The following ARHGAP28 variants were observed in gnomAD, a reference collection of about 807,000 sequenced individuals.
ARHGAP28 encodes Rho GTPase activating protein 28.
A neutral mutation model predicts 90.7 loss-of-function variants in ARHGAP28; 56 were observed. The observed-to-expected ratio is 0.62, with a 90% CI of 0.50 to 0.77. The LOEUF (loss-of-function observed/expected upper bound fraction) is 0.77, where lower values mean the gene tolerates loss of function less well. Ranked by LOEUF, ARHGAP28 falls within the 30% of genes least tolerant of loss-of-function variation. ARHGAP28 has a pLI of 0.00. For synonymous variants in ARHGAP28, 308 were observed against 323.3 expected, an observed-to-expected ratio of 0.95 and a Z score of 0.51; for missense variants, 869 against 900.9, an observed-to-expected ratio of 0.96 and a Z score of 0.45.
rs949059471 is a variant in ARHGAP28 at position 6,837,554 on chromosome 18, A to ATGTC, written c.543+140_543+141insTGTC. The ATGTC allele has an allele frequency of 3.7e-5, 24 of 650,476 alleles. 1 individual carries two copies. The highest frequency in any genetic ancestry group is 3.2e-4 in the Admixed American group (11 of 34,596). The allele number at this position is 650,476 out of a possible 1,614,324, so 40.3% of individuals were successfully genotyped here. On this transcript the variant is annotated intron_variant, in intron 3 of 17. Coordinates refer to ENST00000383472, the MANE Select transcript of ARHGAP28 (RefSeq NM_001366230.1). ...ACTTTTTGAGAAAACTAAAGCAGAC[A>ATGTC]GCACAGTGCAAATTTTTACAAGTTT...
chr18:6,885,706 T>C (rs1276850875), intron 11 of ARHGAP28, among the ~76,000 whole-genome samples: 1 of 152,084 alleles, frequency 6.6e-6, no homozygotes, highest in Non-Finnish European at 1.5e-5. Flanking sequence ...AAATTAAACT[T>C]AACTTAAAAG....
intron 1 of ARHGAP28, among the ~76,000 whole-genome samples, chr18:6,763,087 T>G (rs901645359): frequency 6.6e-6 from 1 of 151,946 alleles, no homozygotes; most frequent in African/African-American, 2.4e-5. Context: ...GATGGTTGTT[T>G]GTTTGTTTGT....
At chr18:6,755,933 T>C (rs1485254964) in intron 1 of ARHGAP28, among the ~76,000 whole-genome samples, 1 of 152,250 alleles carries the variant, frequency 6.6e-6, no homozygotes, top group Non-Finnish European at 1.5e-5. Context: ...TAAGTCACTG[T>C]TATTTCACTT....
At chr18:6,799,569 A>G (rs2056466945) in intron 1 of ARHGAP28, among the ~76,000 whole-genome samples, 1 of 152,222 alleles carries the variant, frequency 6.6e-6, no homozygotes, top group African/African-American at 2.4e-5. Flanking sequence ...GGTCTCAGAA[A>G]TAACGCCGCA....
intron 1 of ARHGAP28, among the ~76,000 whole-genome samples, chr18:6,766,221 C>T (rs1489548403): frequency 6.6e-6 from 1 of 152,150 alleles, no homozygotes; most frequent in Non-Finnish European, 1.5e-5. Context: ...TATAATTGTG[C>T]ATGTGTCGCT....
chr18:6,793,497 A>G lies in ARHGAP28; in HGVS notation c.123-31265A>G, dbSNP rs540291749. Among the ~76,000 whole-genome samples the G allele has an allele frequency of 2.0e-5, 3 of 152,326 alleles. No individual in the cohort carries two copies. The East Asian group carries it at 5.8e-4, about 29-fold the overall frequency. ...AGAGATAGGGTGGAAGAAGAGAGTT[A>G]AATTTACGGCTCTAAGGTTATGCTC... is the stretch of plus-strand genomic sequence containing the variant. On this transcript the variant is annotated intron_variant, in intron 1 of 17. Transcript: ENST00000383472.
intron 1 of ARHGAP28, among the ~76,000 whole-genome samples, chr18:6,768,422 T>G (rs2056216747): frequency 6.6e-6 from 1 of 152,214 alleles, no homozygotes; most frequent in African/African-American, 2.4e-5. Flanking sequence ...TAGAGTAGAC[T>G]TTACTTAGGC....
chr18:6,899,033 GA>G (rs1241523855), intron 16 of ARHGAP28, among the ~76,000 whole-genome samples: 1 of 152,044 alleles, frequency 6.6e-6, no homozygotes, highest in African/African-American at 2.4e-5. Flanking sequence ...CCTATGGAAA[GA>G]AAAAACTTTT....
chr18:6,783,368 C>T lies in ARHGAP28; in HGVS notation c.123-41394C>T, dbSNP rs147778063. Among the ~76,000 whole-genome samples the T allele has an allele frequency of 2.9e-3, 439 of 151,146 alleles. 9 individuals carry two copies. The East Asian group carries it at 0.042, about 14-fold the overall frequency. ...CAAGGCTGGAGTGCAATGGCGCGAT[C>T]TCAGCTCACTGCAACCTCTGCCTCC... On this transcript the variant is annotated intron_variant, in intron 1 of 17. Transcript: ENST00000383472.
At chr18:6,871,898 C>G (rs1374574051) in intron 7 of ARHGAP28, among the ~76,000 whole-genome samples, 1 of 151,978 alleles carries the variant, frequency 6.6e-6, no homozygotes, top group Non-Finnish European at 1.5e-5. Flanking sequence ...TAAGGTGGAC[C>G]CTAGTGATTA....
At position 6,829,124 on chromosome 18, in the gene ARHGAP28, A is replaced by G. The variant is rs191057888; in HGVS notation, c.325+4160A>G. Among the ~76,000 whole-genome samples, 14 of 152,348 alleles carry G rather than the reference A, an allele frequency of 9.2e-5. No individual in the cohort carries two copies. In the East Asian group the frequency reaches 1.5e-3, roughly 17 times the overall value. Reference sequence around the variant, plus strand: ...AAGGGAACCATCCTCCATCAGTGAAATGTATTCTTACTCCTATTACTTGCT... The same window carrying G: ...AAGGGAACCATCCTCCATCAGTGAAGTGTATTCTTACTCCTATTACTTGCT... On this transcript the variant is annotated intron_variant, in intron 2 of 17. Transcript: ENST00000383472.
At chr18:6,825,304 G>T (rs2056654272) in intron 2 of ARHGAP28, among the ~76,000 whole-genome samples, 3 of 151,984 alleles carry the variant, frequency 2.0e-5, no homozygotes, top group African/African-American at 7.3e-5. Context: ...TTTTACATTT[G>T]TCTACTCATT....
At chr18:6,798,564 A>G (rs1275787614) in intron 1 of ARHGAP28, among the ~76,000 whole-genome samples, 2 of 152,188 alleles carry the variant, frequency 1.3e-5, no homozygotes, top group Admixed American at 1.3e-4. Context: ...TCACTTTAAA[A>G]AGCTCAATAT....
chr18:6,910,393 C>T (rs753316537), intron 17 of ARHGAP28, among the ~76,000 whole-genome samples: 2 of 152,166 alleles, frequency 1.3e-5, no homozygotes, highest in Non-Finnish European at 2.9e-5. Flanking sequence ...GCTTTAAATA[C>T]ACCTGTATGT....
chr18:6,889,874 C>T lies in ARHGAP28; in HGVS notation c.1537-14C>T. 2 of 1,612,584 alleles carry T rather than the reference C, an allele frequency of 1.2e-6. No homozygotes were observed. The highest frequency in any genetic ancestry group is 1.7e-6 in the Non-Finnish European group (2 of 1,179,320). On this transcript the variant is annotated splice_polypyrimidine_tract_variant and intron_variant, in intron 12 of 17. Coordinates refer to ENST00000383472, the MANE Select transcript of ARHGAP28 (RefSeq NM_001366230.1). ...CAGTGTACAATTGTATGACACAATG[C>T]TGTTTCTTCTTAGGCCCTCATGACA...
intron 1 of ARHGAP28, among the ~76,000 whole-genome samples, chr18:6,812,210 T>G (rs923187264): frequency 2.6e-5 from 4 of 152,224 alleles, no homozygotes; most frequent in African/African-American, 4.8e-5. Flanking sequence ...TGGGTAATTT[T>G]TGTTTTAAAG....
chr18:6,841,273 C>T (rs987467096), intron 3 of ARHGAP28, among the ~76,000 whole-genome samples: 1 of 140,192 alleles, frequency 7.1e-6, no homozygotes. Context: ...ATCCCTTGGT[C>T]TCCCTCCCTA....
chr18:6,746,825 C>T (rs904438715), intron 1 of ARHGAP28, among the ~76,000 whole-genome samples: 6 of 151,980 alleles, frequency 3.9e-5, no homozygotes, highest in Non-Finnish European at 7.4e-5. Context: ...GAGAGAGAAA[C>T]GGATATAGGA....
At chr18:6,898,134 T>C (rs2143796843) in intron 16 of ARHGAP28, 1 of 206,736 alleles carries the variant, frequency 4.8e-6, no homozygotes, top group South Asian at 1.8e-4. Flanking sequence ...AAGTCATCTA[T>C]GGTGTGAGGT....
Sources: allele counts gnomAD v4.1 joint callset (sites outside exome capture counted in the v4.1 genomes callset), GRCh38; gene constraint gnomAD v4.1.1; transcripts MANE v1.5; gene names NCBI Gene and HGNC (gene_info 2026-07-23, HGNC 2026-07-21).